The following SQLE variants were observed in gnomAD, a reference collection of about 807,000 sequenced individuals.
SQLE encodes the protein squalene epoxidase, also known as squalene monooxygenase.
Under a neutral mutation model 60.7 loss-of-function variants are expected in SQLE, and 29 were observed. The ratio of observed to expected loss-of-function variants is 0.48; its 90% CI spans 0.36 to 0.65. The LOEUF is 0.65. Ranked by LOEUF, SQLE falls within the 30% of genes least tolerant of loss-of-function variation. The pLI, the probability that SQLE is intolerant of heterozygous loss-of-function variation, is 0.00. For synonymous variants in SQLE, 237 were observed against 246.8 expected (o/e 0.96, Z 0.37); for missense variants, 605 against 684.1 (o/e 0.88, Z 1.29).
chr8:125,019,483 T>TACC (rs72537272), intron 9 of SQLE, among the ~76,000 whole-genome samples: 1 of 151,454 alleles, frequency 6.6e-6, no homozygotes, highest in Non-Finnish European at 1.5e-5. Context: ...TATTTGGGAC[T>TACC]ATATAGCTCA....
At chr8:125,006,449 T>A (rs911665176) in intron 3 of SQLE, among the ~76,000 whole-genome samples, 25 of 151,716 alleles carry the variant, frequency 1.6e-4, no homozygotes, top group Middle Eastern at 3.4e-3. Flanking sequence ...TGAAACCCCG[T>A]CTCTACTAAA....
rs1490821394 is a variant in SQLE at position 125,003,224 on chromosome 8, G to A, written c.340G>A (p.Ala114Thr). Residue 114 changes from alanine (A) to threonine (T), a missense_variant, in exon 2 of 11, where the codon GCC (alanine) becomes ACC (threonine). Coordinates refer to ENST00000265896, the MANE Select transcript of SQLE (RefSeq NM_003129.4). ...ISETSLIGTA[A>T]CTSTSSQNDP... ...AGAAACAAGCTTAATAGGAACAGCT[G>A]CCTGTACATCAACATCTTCTCAGAA... 6.2e-7 allele frequency: 1 copy of A among 1,613,674 alleles called. No homozygotes were observed. Among genetic ancestry groups the A allele is most frequent in the African/African-American group, 1.3e-5 (1 of 74,854 alleles).
Position 125,018,169 on chromosome 8 carries a change from C to T in SQLE, c.1315C>T (p.Pro439Ser). Residue 439 changes from proline to serine, a missense_variant, in exon 8 of 11, where the codon CCT (proline) becomes TCT (serine). Pro to Ser is a moderately conservative substitution (Grantham distance 74, BLOSUM62 -1). Transcript: ENST00000265896. The stretch of plus-strand genomic sequence containing the variant: ...ATGGAGAAAACTGCTAAAGGGTATC[C>T]CTGACCTTTATGATGATGCAGCTAT... ...KLWRKLLKGI[P>S]DLYDDAAIFE... is the part of the protein sequence containing the mutation. 6.2e-7 allele frequency: 1 copy of T among 1,611,134 alleles called. No individual in the cohort carries two copies. The highest frequency in any genetic ancestry group is 2.2e-5 in the East Asian group (1 of 44,842).
chr8:125,001,488 G>A (rs747128767), intron 1 of SQLE, among the ~76,000 whole-genome samples: 1,141 of 113,822 alleles, frequency 0.01, 6 homozygotes, highest in Middle Eastern at 0.013. Flanking sequence ...GTGTGTGTGT[G>A]TATATAAAAC....
intron 7 of SQLE, among the ~76,000 whole-genome samples, chr8:125,012,395 C>T (rs1027019781): frequency 2.6e-5 from 4 of 152,156 alleles, no homozygotes; most frequent in East Asian, 1.9e-4. Context: ...AAAGAAACCC[C>T]GTACCCATTG....
chr8:125,017,187 G>A (rs929421981), intron 7 of SQLE, among the ~76,000 whole-genome samples: 1 of 152,092 alleles, frequency 6.6e-6, no homozygotes, highest in South Asian at 2.1e-4. Context: ...CCAGGCTTGT[G>A]CCCTTCCCTT....
chr8:125,015,929 T>G (rs1815105841), intron 7 of SQLE, among the ~76,000 whole-genome samples: 1 of 151,174 alleles, frequency 6.6e-6, no homozygotes, highest in Admixed American at 6.7e-5. Context: ...TGCCCCTCTC[T>G]CCTGGCCTGT....
Position 125,007,443 on chromosome 8 carries a change from G to A in SQLE, c.778G>A (p.Val260Met), listed in dbSNP as rs1187664306. Residue 260 changes from valine (V) to methionine (M), a missense_variant, in exon 4 of 11, where the codon GTG becomes ATG. Physicochemically the swap from Val to Met is conservative, Grantham distance 21. Coordinates refer to ENST00000265896, the MANE Select transcript of SQLE (RefSeq NM_003129.4). Reference protein sequence around the residue: ...VLQLLEEDDVVMGVQYKDKET... With the variant: ...VLQLLEEDDVMMGVQYKDKET... ...ACAGTTATTAGAGGAAGATGATGTT[G>A]TGATGGGAGTTCAGTACAAGGATAA... 1 of 1,556,854 alleles carries A rather than the reference G, an allele frequency of 6.4e-7. No homozygotes were observed. Among genetic ancestry groups the A allele is most frequent in the Admixed American group, 1.9e-5 (1 of 51,546 alleles).
intron 2 of SQLE, 136 bp from the exon 3 acceptor site, chr8:125,005,389 G>T: frequency 1.5e-6 from 1 of 654,492 alleles, no homozygotes; most frequent in Non-Finnish European, 2.3e-6. Flanking sequence ...TTCTGAAATA[G>T]TTACATTAGT....
intron 6 of SQLE, 122 bp downstream of exon 6, chr8:125,009,465 C>T: frequency 1.0e-6 from 1 of 999,840 alleles, no homozygotes; most frequent in Non-Finnish European, 1.4e-6. Flanking sequence ...TTTAAACTAG[C>T]ACTTAAAAAC....
chr8:125,009,273 T>G lies in SQLE; in HGVS notation c.1038T>G (p.Val346=), dbSNP rs764151728. The change falls in exon 6 of 11, where the codon GTT becomes GTG. Residue 346 remains valine (V), a synonymous_variant. Coordinates refer to ENST00000265896, the MANE Select transcript of SQLE (RefSeq NM_003129.4). ...QISSSETRVL[V]DIRGEMPRNL... is the part of the protein sequence containing the mutation. ...CATCCAGTGAAACTCGAGTACTTGT[T>G]GACATTAGAGGAGAAATGCCAAGGA... is the stretch of plus-strand genomic sequence containing the variant. 1 of 1,613,890 alleles carries G rather than the reference T, an allele frequency of 6.2e-7. No homozygotes were observed.
In SQLE at chr8:125,018,678, C is replaced by T. The variant is rs372299785; in HGVS notation, c.1395C>T (p.Val465=). The T allele has an allele frequency of 2.1e-5, 34 of 1,606,618 alleles. No homozygotes were observed. Among genetic ancestry groups the T allele is most frequent in the Middle Eastern group, 1.7e-4 (1 of 5,994 alleles). Reference sequence around the variant, plus strand: ...CAAGAAAAACATCTCATTCCTTTGTCGTGAATATCCTTGCTCAGGCTCTTT... The same window carrying T: ...CAAGAAAAACATCTCATTCCTTTGTTGTGAATATCCTTGCTCAGGCTCTTT... The part of the protein sequence containing the change: ...YWARKTSHSF[V]VNILAQALYE... Residue 465 remains valine (V), a synonymous_variant, in exon 9 of 11, where the codon GTC becomes GTT. Coordinates refer to ENST00000265896, the MANE Select transcript of SQLE (RefSeq NM_003129.4).
intron 7 of SQLE, among the ~76,000 whole-genome samples, chr8:125,013,385 T>A (rs998607691): frequency 1.5e-5 from 2 of 135,664 alleles, no homozygotes; most frequent in Non-Finnish European, 3.0e-5. Context: ...GGAGTTTCGC[T>A]CTTGTCGCCT....
Position 125,011,559 on chromosome 8 carries a change from A to G in SQLE, c.1131A>G (p.Leu377=), listed in dbSNP as rs774575722. The part of the protein sequence containing the change: ...QIPDHLKEPF[L]EATDNSHLRS... Reference sequence around the variant, plus strand: ...CAGATCACCTGAAAGAACCATTCTTAGAAGCCACTGACAATTCTCATCTGA... The same window carrying G: ...CAGATCACCTGAAAGAACCATTCTTGGAAGCCACTGACAATTCTCATCTGA... The change falls in exon 7 of 11, where the codon TTA becomes TTG. Residue 377 remains leucine, a synonymous_variant. Coordinates refer to ENST00000265896, the MANE Select transcript of SQLE (RefSeq NM_003129.4). The G allele has an allele frequency of 1.3e-6, 2 of 1,586,020 alleles. No individual in the cohort carries two copies. Among genetic ancestry groups the G allele is most frequent in the South Asian group, 2.3e-5 (2 of 86,574 alleles).
chr8:125,018,209 C>G lies in SQLE; in HGVS notation c.1347+8C>G. The G allele has an allele frequency of 1.9e-6, 3 of 1,607,224 alleles. No homozygotes were observed. The highest frequency in any genetic ancestry group is 2.5e-6 in the Non-Finnish European group (3 of 1,177,956). ...GATGCAGCTATTTTCGAGGTAAGAT[C>G]AATTATTTTGACAAAAATGTCTCAA... On this transcript the variant is annotated splice_region_variant and intron_variant, in intron 8 of 10. Coordinates refer to ENST00000265896, the MANE Select transcript of SQLE (RefSeq NM_003129.4).
chr8:125,015,614 T>G (rs1233814024), intron 7 of SQLE, among the ~76,000 whole-genome samples: 1 of 152,210 alleles, frequency 6.6e-6, no homozygotes. Flanking sequence ...TTTAAACTGA[T>G]GACAACTGAT....
chr8:125,002,381 A>G (rs1008147586), intron 1 of SQLE, among the ~76,000 whole-genome samples: 1 of 152,222 alleles, frequency 6.6e-6, no homozygotes, highest in African/African-American at 2.4e-5. Context: ...AAAGATGAAT[A>G]ATGAAAATAT....
chr8:125,018,767 A>G, intron 9 of SQLE, 40 bp downstream of exon 9: 1 of 1,318,290 alleles, frequency 7.6e-7, no homozygotes, highest in East Asian at 2.5e-5. Flanking sequence ...ACTCAATTGC[A>G]GATTTTTAGC....
intron 8 of SQLE, 33 bp from the exon 9 acceptor site, chr8:125,018,598 T>C (rs536988914): frequency 1.4e-6 from 2 of 1,437,954 alleles, no homozygotes; most frequent in South Asian, 2.5e-5. Flanking sequence ...TTTTTATCCT[T>C]ACCATATAAT....
Sources: gnomAD v4.1 joint callset for allele counts (sites outside exome capture counted in the v4.1 genomes callset) on GRCh38, gnomAD v4.1.1 for gene constraint, MANE v1.5 for transcripts, NCBI Gene and HGNC (gene_info 2026-07-23, HGNC 2026-07-21) for gene names.